AFF3: variants seen among roughly 807,000 people sequenced by gnomAD.
The protein encoded by AFF3 is ALF transcription elongation factor 3, also known as AF4/FMR2 family member 3.
A neutral mutation model predicts 129.7 loss-of-function variants in AFF3; 32 were observed. The observed-to-expected ratio is 0.25, with a 90% CI of 0.19 to 0.33. The LOEUF (loss-of-function observed/expected upper bound fraction) is 0.33, where lower values mean the gene tolerates loss of function less well. Among genes scored for constraint, AFF3 ranks in the 10% least tolerant of loss-of-function variants. AFF3 has a pLI of 1.00. For synonymous variants in AFF3, 644 were observed against 635.4 expected (o/e 1.01, Z -0.20); for missense variants, 1,373 against 1,592.0 (o/e 0.86, Z 2.34).
At chr2:100,076,352 G>A (rs1688590123) in intron 4 of AFF3, among the ~76,000 whole-genome samples, 1 of 152,178 alleles carries the variant, frequency 6.6e-6, no homozygotes, top group South Asian at 2.1e-4. Flanking sequence ...CAGACTGTGT[G>A]CAGGAATTTC....
At chr2:100,106,672 G>A in intron 2 of AFF3, 1 of 986,196 alleles carries the variant, frequency 1.0e-6, no homozygotes, top group Non-Finnish European at 1.2e-6. Context: ...CAGCTGGGAA[G>A]CTTCTTCAGA....
chr2:100,004,734 AT>A (rs1258621139), intron 7 of AFF3, among the ~76,000 whole-genome samples: 3 of 152,304 alleles, frequency 2.0e-5, no homozygotes, highest in African/African-American at 7.2e-5. Flanking sequence ...TGACTGTGAA[AT>A]TTAGTCATGT....
At chr2:99,974,919 C>T (rs958942309) in intron 7 of AFF3, among the ~76,000 whole-genome samples, 2 of 152,132 alleles carry the variant, frequency 1.3e-5, no homozygotes, top group Non-Finnish European at 2.9e-5. Context: ...AGTGCAGCTC[C>T]GTGGCATGGT....
At chr2:99,755,158 C>A (rs1485125579) in intron 8 of AFF3, among the ~76,000 whole-genome samples, 1 of 152,024 alleles carries the variant, frequency 6.6e-6, no homozygotes, top group Non-Finnish European at 1.5e-5. Context: ...TGGTTTTGGA[C>A]CCTCACTAAA....
At chr2:99,710,143 T>C (rs1380255602) in intron 11 of AFF3, among the ~76,000 whole-genome samples, 1 of 152,250 alleles carries the variant, frequency 6.6e-6, no homozygotes, top group Non-Finnish European at 1.5e-5. Flanking sequence ...GATTCATGTA[T>C]AGGGTGATCC....
intron 2 of AFF3, among the ~76,000 whole-genome samples, chr2:100,126,139 G>A (rs541334985): frequency 6.6e-6 from 1 of 152,316 alleles, no homozygotes; most frequent in East Asian, 1.9e-4. Context: ...TGCATGAGGC[G>A]AATGAGATGT....
chr2:99,587,793 C>T (rs765712073), intron 15 of AFF3, among the ~76,000 whole-genome samples: 2 of 151,402 alleles, frequency 1.3e-5, no homozygotes, highest in African/African-American at 2.4e-5. Context: ...AGGCGAATCA[C>T]GAGGTCAGGA....
chr2:99,863,422 G>GAA lies in AFF3; in HGVS notation c.874-25900_874-25899dup, dbSNP rs533533134. Among the ~76,000 whole-genome samples, 6 of 147,650 alleles carry GAA rather than the reference G, an allele frequency of 4.1e-5. No individual in the cohort carries two copies. In the East Asian group the frequency reaches 1.2e-3, roughly 29 times the overall value. On this transcript the variant is annotated intron_variant, in intron 7 of 24. Coordinates refer to ENST00000672756, the MANE Select transcript of AFF3 (RefSeq NM_001386135.1). ...ACTATTCTATTTGTCTCCTCTTTAAGAAAAAAAAAAGTTTCAGAGAAGAGT... is the reference window on the plus strand; with the variant it reads ...ACTATTCTATTTGTCTCCTCTTTAAGAAAAAAAAAAAAGTTTCAGAGAAGAGT...
chr2:99,852,491 C>T (rs4286327), intron 7 of AFF3, among the ~76,000 whole-genome samples: 120,709 of 152,086 alleles, frequency 0.79, 48,481 homozygotes, highest in South Asian at 0.92. Flanking sequence ...CATAATCTGC[C>T]TGTGCAAGAA....
chr2:100,134,776 T>TA (rs1229769536), intron 1 of AFF3, among the ~76,000 whole-genome samples: 1 of 152,230 alleles, frequency 6.6e-6, no homozygotes, highest in Non-Finnish European at 1.5e-5. Flanking sequence ...ATTTATTCAG[T>TA]AAACAGTTTA....
chr2:100,098,886 C>T (rs1325164766), intron 4 of AFF3, among the ~76,000 whole-genome samples: 1 of 116,888 alleles, frequency 8.6e-6, no homozygotes, highest in Non-Finnish European at 1.8e-5. Context: ...CACTCCACTG[C>T]TTCCCATCGA....
intron 4 of AFF3, among the ~76,000 whole-genome samples, chr2:100,044,056 G>A (rs1300479883): frequency 6.6e-6 from 1 of 152,188 alleles, no homozygotes; most frequent in Non-Finnish European, 1.5e-5. Flanking sequence ...AGAGCTCACC[G>A]CGGCAGTTTC....
At chr2:100,067,602 G>T (rs1687834391) in intron 4 of AFF3, among the ~76,000 whole-genome samples, 2 of 151,938 alleles carry the variant, frequency 1.3e-5, no homozygotes, top group South Asian at 4.2e-4. Context: ...AGCCAATAGT[G>T]GCATTAATAA....
intron 7 of AFF3, among the ~76,000 whole-genome samples, chr2:99,839,776 T>C (rs1323914715): frequency 1.3e-5 from 2 of 151,992 alleles, no homozygotes; most frequent in African/African-American, 4.8e-5. Flanking sequence ...CATGCCCGGC[T>C]AATTTTTTTA....
chr2:100,036,132 GC>G (rs1249329013), intron 4 of AFF3, among the ~76,000 whole-genome samples: 11 of 69,528 alleles, frequency 1.6e-4, no homozygotes, highest in South Asian at 1.3e-3. Context: ...AAAATACAGT[GC>G]TAAAAAAAAA....
At chr2:99,752,390 C>A in intron 8 of AFF3, 89 bp from the exon 9 acceptor site, 1 of 1,074,164 alleles carries the variant, frequency 9.3e-7, no homozygotes, top group East Asian at 2.5e-5. Context: ...AGTGGGCCTT[C>A]ATAAGGCAGG....
chr2:99,811,910 T>C (rs541308817), intron 8 of AFF3, among the ~76,000 whole-genome samples: 2 of 152,368 alleles, frequency 1.3e-5, no homozygotes, highest in East Asian at 1.9e-4. Context: ...GCTACGTACC[T>C]GAACACAGAC....
At chr2:100,008,953 G>C in intron 4 of AFF3, 21 bp from the exon 5 acceptor site, 1 of 1,612,738 alleles carries the variant, frequency 6.2e-7, no homozygotes, top group Non-Finnish European at 8.5e-7. Context: ...AAAAAGAAGA[G>C]AGAACAACCA....
chr2:100,020,556 C>A (rs1683506315), intron 4 of AFF3, among the ~76,000 whole-genome samples: 1 of 152,154 alleles, frequency 6.6e-6, no homozygotes, highest in Non-Finnish European at 1.5e-5. Flanking sequence ...ACACCGACCC[C>A]AACCCCAGCC....
Sources: allele counts gnomAD v4.1 joint callset (sites outside exome capture counted in the v4.1 genomes callset), GRCh38; gene constraint gnomAD v4.1.1; transcripts MANE v1.5; gene names NCBI Gene and HGNC (gene_info 2026-07-23, HGNC 2026-07-21).